Variants in ANKRD13D observed in about 807,000 individuals in gnomAD.
ANKRD13D encodes the protein ankyrin repeat domain-containing protein 13D.
Under a neutral mutation model 68.8 loss-of-function variants are expected in ANKRD13D, and 24 were observed. The observed-to-expected ratio is 0.35, with a 90% confidence interval of 0.25 to 0.49. The LOEUF (loss-of-function observed/expected upper bound fraction) is 0.49. ANKRD13D is among the 20% of genes least tolerant of loss of function. The pLI, the probability that ANKRD13D is intolerant of heterozygous loss-of-function variation, is 0.99. For synonymous variants in ANKRD13D, 331 were observed against 336.1 expected (o/e 0.98, Z 0.16); for missense variants, 735 against 832.1 (o/e 0.88, Z 1.44).
Position 67,299,166 on chromosome 11 carries a change from G to T in ANKRD13D, c.798+42G>T. 2 of 1,572,264 alleles carry T rather than the reference G, an allele frequency of 1.3e-6. No homozygotes were observed. Among genetic ancestry groups the T allele is most frequent in the Non-Finnish European group, 8.7e-7 (1 of 1,144,016 alleles). ...GTGGGGGGCTGGGGGTAGGAGATGA[G>T]GTCCAGGAACTCAGCTCCTCTCCAC... On this transcript the variant is annotated intron_variant, in intron 7 of 14. Transcript: ENST00000511455. This position sits in a 1 kb window ranked among gnomAD's most constrained non-coding sequence, Gnocchi z 6.2.
intron 6 of ANKRD13D, among the ~76,000 whole-genome samples, chr11:67,293,909 TTTAAG>T (rs367859818): frequency 6.6e-6 from 1 of 152,304 alleles, no homozygotes; most frequent in African/African-American, 2.4e-5. Context: ...TTTGAGCCAT[TTTAAG>T]TTAATTTTTG....
chr11:67,291,351 CAA>C (rs369072835), intron 3 of ANKRD13D, 123 bp from the exon 4 acceptor site: 43,507 of 471,942 alleles, frequency 0.092, no homozygotes, highest in East Asian at 0.12. Context: ...GAGCAAGTCT[CAA>C]AAAAAAAAAA....
chr11:67,290,038 T>TC (rs1176566330), intron 1 of ANKRD13D, 40 bp from the exon 2 acceptor site: 2 of 1,522,954 alleles, frequency 1.3e-6, no homozygotes, highest in African/African-American at 1.4e-5. Context: ...TGCCTTGCCC[T>TC]CTTCTCTCCT....
At position 67,302,245 on chromosome 11, in the gene ANKRD13D, A is replaced by G; in HGVS notation, c.1731A>G (p.Ser577=). 1 of 1,574,390 alleles carries G rather than the reference A, an allele frequency of 6.4e-7. No individual in the cohort carries two copies. The highest frequency in any genetic ancestry group is 8.6e-7 in the Non-Finnish European group (1 of 1,159,712). ...TGCGCCTGGCCCTGGAGTTGTCTTCACGGGAGCAGGAGGAGCGGGAGCGGC... is the reference window on the plus strand; with the variant it reads ...TGCGCCTGGCCCTGGAGTTGTCTTCGCGGGAGCAGGAGGAGCGGGAGCGGC... ...EQLRLALELS[S]REQEERERRG... The change falls in exon 15 of 15, where the codon TCA becomes TCG. Residue 577 remains serine, a synonymous_variant. Coordinates refer to ENST00000511455, the MANE Select transcript of ANKRD13D (RefSeq NM_207354.3).
At chr11:67,292,775 G>A (rs909104914) in intron 6 of ANKRD13D, among the ~76,000 whole-genome samples, 1 of 151,998 alleles carries the variant, frequency 6.6e-6, no homozygotes, top group African/African-American at 2.4e-5. Flanking sequence ...ATCACCTCAG[G>A]AAGAAACCCC....
Position 67,291,644 on chromosome 11 carries a change from G to T in ANKRD13D, c.439G>T (p.Val147Leu). 6.2e-7 allele frequency: 1 copy of T among 1,614,110 alleles called. No homozygotes were observed. Among genetic ancestry groups the T allele is most frequent in the Non-Finnish European group, 8.5e-7 (1 of 1,180,042 alleles). ...SKMCPSDVYR[V>L]WKRGESLRVD... ...GATGTGCCCAAGCGATGTGTACCGC[G>T]TGTGGAAGCGGGGTGAGAGCCTGCG... Residue 147 changes from valine (V) to leucine (L), a missense_variant, in exon 5 of 15, where the codon GTG becomes TTG. Val to Leu is a conservative substitution (Grantham distance 32). Transcript: ENST00000511455.
intron 6 of ANKRD13D, among the ~76,000 whole-genome samples, chr11:67,295,576 C>CA (rs1020765202): frequency 2.5e-4 from 37 of 145,180 alleles, no homozygotes; most frequent in African/African-American, 5.8e-4. Flanking sequence ...AATACAAAAA[C>CA]AAAAAAAAAA....
chr11:67,291,351 CAAA>C (rs369072835), intron 3 of ANKRD13D, 122 bp from the exon 4 acceptor site: 14,277 of 484,538 alleles, frequency 0.029, no homozygotes, highest in East Asian at 0.04. Flanking sequence ...GAGCAAGTCT[CAAA>C]AAAAAAAAAA....
At chr11:67,291,778 C>T (rs753352237) in intron 5 of ANKRD13D, 32 bp downstream of exon 5, 68 of 1,609,356 alleles carry the variant, frequency 4.2e-5, no homozygotes, top group Admixed American at 3.0e-4. Context: ...TGCAGCTCCT[C>T]GGCCCTTGGG....
In ANKRD13D at chr11:67,301,403, C is replaced by T. The variant is rs187357192; in HGVS notation, c.1348+5C>T. 16 of 1,609,990 alleles carry T rather than the reference C, an allele frequency of 9.9e-6. No individual in the cohort carries two copies. In the East Asian group the frequency reaches 2.5e-4, roughly 25 times the overall value. On this transcript the variant is annotated splice_donor_5th_base_variant and intron_variant, in intron 12 of 14. Coordinates refer to ENST00000511455, the MANE Select transcript of ANKRD13D (RefSeq NM_207354.3). The surrounding 1 kb of genome is among the most constrained non-coding windows in gnomAD (Gnocchi z 4.5). ...GCTCTGCTGTTGCCGCATCAGGTAC[C>T]CCAACGGGAGGAAGAGGGAGCCTGC...
chr11:67,301,513 C>G lies in ANKRD13D; in HGVS notation c.1374C>G (p.Asp458Glu). 1.9e-6 allele frequency: 3 copies of G among 1,613,052 alleles called. No homozygotes were observed. The South Asian group carries it at 3.3e-5, about 18-fold the overall frequency. ...ASGNPFPCEV[D>E]PTVFEVPNGY... The stretch of plus-strand genomic sequence containing the variant: ...GGAACCCTTTCCCGTGCGAGGTGGA[C>G]CCCACCGTGTTTGAAGTGCCCAACG... The change falls in exon 13 of 15, where the codon GAC becomes GAG. Residue 458 changes from aspartate (D) to glutamate (E), a missense_variant. Asp to Glu is a conservative substitution (Grantham distance 45). Transcript: ENST00000511455. The surrounding 1 kb of genome is among the most constrained non-coding windows in gnomAD (Gnocchi z 4.5).
chr11:67,296,520 T>C (rs1860761956), intron 6 of ANKRD13D, among the ~76,000 whole-genome samples: 1 of 152,266 alleles, frequency 6.6e-6, no homozygotes, highest in South Asian at 2.1e-4. Context: ...AATTTGTTGG[T>C]GTACAGCTAT....
chr11:67,294,522 G>GT (rs925910647), intron 6 of ANKRD13D, among the ~76,000 whole-genome samples: 1 of 150,954 alleles, frequency 6.6e-6, no homozygotes, highest in Non-Finnish European at 1.5e-5. Context: ...GTTTTATTCT[G>GT]TTTTTTGTTT....
rs752760501 is a variant in ANKRD13D, at chr11:67,292,205, G to C, written c.731+25G>C. 11 of 1,562,830 alleles carry C rather than the reference G, an allele frequency of 7.0e-6. No individual in the cohort carries two copies. The South Asian group carries it at 1.1e-4, about 16-fold the overall frequency. ...GGTCGGTCGGGTCCTGGCACACCGT[G>C]GGTGGGATGGGGACGGATAGCAAGA... On this transcript the variant is annotated intron_variant, in intron 6 of 14. Coordinates refer to ENST00000511455, the MANE Select transcript of ANKRD13D (RefSeq NM_207354.3).
chr11:67,297,019 A>G (rs1040950684), intron 6 of ANKRD13D, among the ~76,000 whole-genome samples: 6 of 151,700 alleles, frequency 4.0e-5, no homozygotes, highest in African/African-American at 1.2e-4. Flanking sequence ...GGTTTCATTA[A>G]TTTTCTCTAT....
At position 67,302,372 on chromosome 11, in the gene ANKRD13D, C is replaced by T. The variant is rs1444114666; in HGVS notation, c.*40C>T. Reference sequence around the variant, plus strand: ...AGGGCTGGCCAGGCCACTCCCTGCCCGCTTTTGTAATTTATTTATTTATAA... The same window carrying T: ...AGGGCTGGCCAGGCCACTCCCTGCCTGCTTTTGTAATTTATTTATTTATAA... On this transcript the variant is annotated 3_prime_UTR_variant, in exon 15 of 15. Transcript: ENST00000511455. 3.4e-6 allele frequency: 5 copies of T among 1,449,318 alleles called. No individual in the cohort carries two copies. The highest frequency in any genetic ancestry group is 3.7e-6 in the Non-Finnish European group (4 of 1,095,690). 89.8% of individuals were successfully genotyped at this position (1,449,318 alleles called of 1,614,324 possible).
chr11:67,295,851 A>G (rs1452555933), intron 6 of ANKRD13D, among the ~76,000 whole-genome samples: 1 of 152,218 alleles, frequency 6.6e-6, no homozygotes, highest in African/African-American at 2.4e-5. Flanking sequence ...ATTAAGTATG[A>G]TATTAGTTGT....
intron 1 of ANKRD13D, 45 bp downstream of exon 1, chr11:67,289,595 C>CG: frequency 6.7e-7 from 1 of 1,483,590 alleles, no homozygotes; most frequent in South Asian, 1.2e-5. Context: ...GGGTCCCCCA[C>CG]CCAAGGCTGT....
rs1860550839 is a variant in ANKRD13D, at chr11:67,291,606, C to T, written c.401C>T (p.Pro134Leu). 3.1e-6 allele frequency: 5 copies of T among 1,613,986 alleles called. No individual in the cohort carries two copies. The highest frequency in any genetic ancestry group is 3.4e-6 in the Non-Finnish European group (4 of 1,180,036). ...EMKWEFTSWV[P>L]LVSKMCPSDV... ...GTGACCCCTGTGCACCCTGCAGTGC[C>T]CCTTGTGTCTAAGATGTGCCCAAGC... Residue 134 changes from proline (P) to leucine (L), a missense_variant, in exon 5 of 15, where the codon CCC becomes CTC. Transcript: ENST00000511455.
Sources: gnomAD v4.1 joint callset for allele counts (sites outside exome capture counted in the v4.1 genomes callset) on GRCh38, gnomAD v4.1.1 for gene constraint, Gnocchi (gnomAD v3.1) non-coding constraint, MANE v1.5 for transcripts, NCBI Gene and HGNC (gene_info 2026-07-23, HGNC 2026-07-21) for gene names.